Variants in SHISA9 observed in about 807,000 individuals in gnomAD.
SHISA9 encodes the protein protein shisa-9.
In SHISA9, 13 loss-of-function variants were observed where a neutral mutation model predicts 38.0. The observed-to-expected ratio is 0.34, with a 90% confidence interval of 0.22 to 0.54. The LOEUF is 0.54. Among genes scored for constraint, SHISA9 ranks in the 20% least tolerant of loss-of-function variants. The pLI is 0.91. For synonymous variants in SHISA9, 275 were observed against 242.0 expected (o/e 1.14, Z -1.27); for missense variants, 538 against 575.8 (o/e 0.93, Z 0.67).
chr16:13,060,658 A>T (rs398042002), intron 2 of SHISA9, among the ~76,000 whole-genome samples: 1 of 121,126 alleles, frequency 8.3e-6, no homozygotes, highest in Non-Finnish European at 1.8e-5. Context: ...AAAAAAAAAA[A>T]AAACACTCAA....
At chr16:13,161,771 G>A (rs1243282751) in intron 2 of SHISA9, among the ~76,000 whole-genome samples, 1 of 152,148 alleles carries the variant, frequency 6.6e-6, no homozygotes, top group African/African-American at 2.4e-5. Flanking sequence ...AGGGTGGAAA[G>A]TTTGAACTCT....
the SHISA9 span, among the ~76,000 whole-genome samples, chr16:13,256,531 C>T: frequency 3.3e-5 from 5 of 152,178 alleles, no homozygotes; most frequent in Non-Finnish European, 5.9e-5. Flanking sequence ...CCGCCCACCT[C>T]GGCCTACTAA....
intron 2 of SHISA9, among the ~76,000 whole-genome samples, chr16:13,105,024 G>C (rs2073913035): frequency 6.6e-6 from 1 of 152,110 alleles, no homozygotes; most frequent in Non-Finnish European, 1.5e-5. Flanking sequence ...TCATAGGGTT[G>C]TTGTAAAAAT....
the SHISA9 span, among the ~76,000 whole-genome samples, chr16:13,334,960 C>T: frequency 1.3e-5 from 2 of 152,268 alleles, no homozygotes; most frequent in Non-Finnish European, 2.9e-5. Context: ...GTGCTAGGAA[C>T]CTGTATATTC....
At chr16:12,909,480 C>T in intron 1 of SHISA9, 1 of 985,352 alleles carries the variant, frequency 1.0e-6, no homozygotes, top group Non-Finnish European at 1.2e-6. Flanking sequence ...ACTCTGAGTT[C>T]TGTTTGGAAA....
chr16:13,502,579 C>T, the SHISA9 span, among the ~76,000 whole-genome samples: 1 of 151,924 alleles, frequency 6.6e-6, no homozygotes, highest in South Asian at 2.1e-4. Flanking sequence ...ATTTAAAATG[C>T]ATTAGGAAAG....
the SHISA9 span, among the ~76,000 whole-genome samples, chr16:13,428,222 G>T: frequency 6.6e-6 from 1 of 152,218 alleles, no homozygotes; most frequent in East Asian, 1.9e-4. Context: ...TTCTGTGGAA[G>T]AGTATCCTTC....
At chr16:13,175,218 G>A (rs924242543) in intron 2 of SHISA9, among the ~76,000 whole-genome samples, 2 of 149,950 alleles carry the variant, frequency 1.3e-5, no homozygotes, top group African/African-American at 4.9e-5. Context: ...AAAAAAGAAA[G>A]AAAAAAAAAG....
chr16:13,443,901 T>C, the SHISA9 span, among the ~76,000 whole-genome samples: 1 of 152,212 alleles, frequency 6.6e-6, no homozygotes, highest in Non-Finnish European at 1.5e-5. Flanking sequence ...TTCCTTCTTG[T>C]ACAAAGTAGA....
intron 2 of SHISA9, among the ~76,000 whole-genome samples, chr16:12,979,959 C>G (rs2072218988): frequency 6.6e-6 from 1 of 152,098 alleles, no homozygotes; most frequent in Non-Finnish European, 1.5e-5. Context: ...TCCTGGGGAT[C>G]ATATTAAATG....
the SHISA9 span, among the ~76,000 whole-genome samples, chr16:13,337,225 G>T: frequency 6.6e-6 from 1 of 152,134 alleles, no homozygotes; most frequent in Non-Finnish European, 1.5e-5. Context: ...TAATTCCCTT[G>T]TGTTGCAGGA....
the SHISA9 span, among the ~76,000 whole-genome samples, chr16:13,330,284 G>A: frequency 6.6e-6 from 1 of 152,116 alleles, no homozygotes; most frequent in Non-Finnish European, 1.5e-5. Flanking sequence ...TTAATGTATA[G>A]CATACTTATC....
chr16:13,212,766 G>T (rs1277458960), intron 3 of SHISA9, among the ~76,000 whole-genome samples: 1 of 152,170 alleles, frequency 6.6e-6, no homozygotes, highest in East Asian at 1.9e-4. Flanking sequence ...TAAAGTCGCA[G>T]TCAGTAGAGC....
intron 2 of SHISA9, among the ~76,000 whole-genome samples, chr16:12,960,729 T>G (rs2071899170): frequency 6.6e-6 from 1 of 152,158 alleles, no homozygotes; most frequent in African/African-American, 2.4e-5. Context: ...TCTAATTTCC[T>G]TTTCATCTCC....
chr16:13,172,971 G>A (rs185934177), intron 2 of SHISA9, among the ~76,000 whole-genome samples: 32 of 152,130 alleles, frequency 2.1e-4, no homozygotes, highest in African/African-American at 6.3e-4. Flanking sequence ...TGTGATTGCC[G>A]TGTGCTCCCA....
the SHISA9 span, among the ~76,000 whole-genome samples, chr16:13,279,325 G>A: frequency 6.6e-6 from 1 of 151,702 alleles, no homozygotes; most frequent in Non-Finnish European, 1.5e-5. Flanking sequence ...GGTCTATATT[G>A]GAAAAATTTC....
the SHISA9 span, among the ~76,000 whole-genome samples, chr16:13,506,488 G>A: frequency 6.6e-6 from 1 of 152,164 alleles, no homozygotes; most frequent in African/African-American, 2.4e-5. Flanking sequence ...GGAGGACGGG[G>A]TTGAAATTTC....
At chr16:13,374,993 GC>G in the SHISA9 span, among the ~76,000 whole-genome samples, 1 of 152,248 alleles carries the variant, frequency 6.6e-6, no homozygotes, top group Non-Finnish European at 1.5e-5. Context: ...CATATCCTTT[GC>G]CCACTTTTTG....
chr16:13,297,781 A>C, the SHISA9 span, among the ~76,000 whole-genome samples: 1 of 152,018 alleles, frequency 6.6e-6, no homozygotes, highest in Admixed American at 6.6e-5. Context: ...TTTGAGGCAG[A>C]GTTTTGCTCT....
Sources: allele counts gnomAD v4.1 joint callset (sites outside exome capture counted in the v4.1 genomes callset), GRCh38; gene constraint gnomAD v4.1.1; transcripts MANE v1.5; gene names NCBI Gene and HGNC (gene_info 2026-07-23, HGNC 2026-07-21).